Variants in FILIP1 observed in about 807,000 individuals in gnomAD.
FILIP1 encodes the protein filamin-A-interacting protein 1.
Under a neutral mutation model 102.1 loss-of-function variants are expected in FILIP1, and 61 were observed. The ratio of observed to expected loss-of-function variants is 0.60; its 90% CI spans 0.49 to 0.74. The LOEUF is 0.74. FILIP1 is among the 30% of genes least tolerant of loss of function. The pLI is 0.00. For synonymous variants in FILIP1, 491 were observed against 526.9 expected (o/e 0.93, Z 0.93); for missense variants, 1,314 against 1,441.2 (o/e 0.91, Z 1.43).
chr6:75,397,961 C>T (rs1776523564), intron 2 of FILIP1: 3 of 152,152 alleles, frequency 2.0e-5, no homozygotes, highest in Non-Finnish European at 4.4e-5. Context: ...AAATATTTAA[C>T]ATCAGAGTAA....
At chr6:75,357,494 C>T (rs1180726630) in intron 3 of FILIP1, 1 of 152,184 alleles carries the variant, frequency 6.6e-6, no homozygotes, top group African/African-American at 2.4e-5. Flanking sequence ...GGGTAATGTT[C>T]ACCTCACCAA....
chr6:75,440,780 T>A (rs1279454878), intron 1 of FILIP1, among the ~76,000 whole-genome samples: 1 of 151,926 alleles, frequency 6.6e-6, no homozygotes, highest in Non-Finnish European at 1.5e-5. Flanking sequence ...AGAAACACCA[T>A]CTCTACTAAA....
chr6:75,318,004 T>C (rs1773500628), intron 4 of FILIP1, among the ~76,000 whole-genome samples: 1 of 152,200 alleles, frequency 6.6e-6, no homozygotes, highest in Non-Finnish European at 1.5e-5. Flanking sequence ...GATAAGTTCA[T>C]GTCCAGTCAG....
chr6:75,372,687 G>T (rs56970731), intron 2 of FILIP1, among the ~76,000 whole-genome samples: 1 of 27,742 alleles, frequency 3.6e-5, no homozygotes, highest in Non-Finnish European at 6.6e-5. Flanking sequence ...GAAAGAAAGA[G>T]AAAGAAAGAG....
intron 2 of FILIP1, among the ~76,000 whole-genome samples, chr6:75,401,533 C>A (rs779816167): frequency 6.6e-6 from 1 of 152,088 alleles, no homozygotes; most frequent in South Asian, 2.1e-4. Context: ...CCACAAGTGG[C>A]GACTTAAATT....
rs972069557 is a variant in FILIP1, at chr6:75,444,570, A to C, written c.-6-29592T>G. 3.9e-5 allele frequency among the ~76,000 whole-genome samples: 6 copies of C among 152,116 alleles called. 1 individual carries two copies. The South Asian group carries it at 1.2e-3, about 32-fold the overall frequency. On this transcript the variant is annotated intron_variant, in intron 1 of 5. Coordinates refer to ENST00000237172, the MANE Select transcript of FILIP1 (RefSeq NM_015687.5). The stretch of plus-strand genomic sequence containing the variant: ...TTACAACATCAAAAAAGGACCCCAC[A>C]GGAGTTTTTAGGTGTCCCCTACCAT...
chr6:75,372,778 GA>G (rs1284806934), intron 2 of FILIP1, among the ~76,000 whole-genome samples: 1 of 75,622 alleles, frequency 1.3e-5, no homozygotes, highest in Admixed American at 1.2e-4. Context: ...AAGAAAGAAA[GA>G]AAGAAAGAAA....
chr6:75,401,452 T>A (rs951410360), intron 2 of FILIP1, among the ~76,000 whole-genome samples: 1 of 152,192 alleles, frequency 6.6e-6, no homozygotes, highest in African/African-American at 2.4e-5. Context: ...CTTTGCTTCA[T>A]CCATGGTCTC....
intron 1 of FILIP1, among the ~76,000 whole-genome samples, chr6:75,423,794 G>A (rs1366407619): frequency 1.3e-5 from 2 of 152,084 alleles, no homozygotes; most frequent in Non-Finnish European, 2.9e-5. Flanking sequence ...ACTTTTTGCT[G>A]GGAAAACACT....
chr6:75,369,379 C>A (rs1775443892), intron 2 of FILIP1, among the ~76,000 whole-genome samples: 1 of 152,162 alleles, frequency 6.6e-6, no homozygotes, highest in East Asian at 1.9e-4. Flanking sequence ...ATGACAAACA[C>A]CGGTCAGAAA....
chr6:75,413,919 T>C (rs1045866373), intron 2 of FILIP1, among the ~76,000 whole-genome samples: 2 of 150,044 alleles, frequency 1.3e-5, no homozygotes, highest in African/African-American at 2.5e-5. Flanking sequence ...GGGAGGGACA[T>C]GGCTCATGGC....
intron 1 of FILIP1, among the ~76,000 whole-genome samples, chr6:75,423,235 A>G (rs1777525429): frequency 6.6e-6 from 1 of 152,206 alleles, no homozygotes; most frequent in Non-Finnish European, 1.5e-5. Context: ...AAGCTTGATA[A>G]GTGGGTGCCT....
intron 1 of FILIP1, among the ~76,000 whole-genome samples, chr6:75,461,430 T>C (rs1779019700): frequency 6.6e-6 from 1 of 152,190 alleles, no homozygotes; most frequent in Non-Finnish European, 1.5e-5. Flanking sequence ...TAAACTTATG[T>C]TCACGTATAT....
At chr6:75,433,131 T>C (rs1403158332) in intron 1 of FILIP1, among the ~76,000 whole-genome samples, 3 of 152,246 alleles carry the variant, frequency 2.0e-5, no homozygotes, top group Non-Finnish European at 4.4e-5. Context: ...AGTGCTACAA[T>C]AAACATACAT....
At chr6:75,397,598 A>G (rs1011683095) in intron 2 of FILIP1, among the ~76,000 whole-genome samples, 1 of 151,110 alleles carries the variant, frequency 6.6e-6, no homozygotes, top group African/African-American at 2.4e-5. Context: ...ATATATATAT[A>G]TATATAATTC....
rs1374824080 is a variant in FILIP1 at position 75,442,172 on chromosome 6, C to G, written c.-6-27194G>C. Among the ~76,000 whole-genome samples the G allele has an allele frequency of 3.3e-5, 5 of 151,878 alleles. No individual in the cohort carries two copies. The East Asian group carries it at 5.9e-4, about 18-fold the overall frequency. ...CAGACAATGGGTGGCCGGGCAGAGA[C>G]GCTCCTCACTTCCTAGATGGGATGG... On this transcript the variant is annotated intron_variant, in intron 1 of 5. Coordinates refer to ENST00000237172, the MANE Select transcript of FILIP1 (RefSeq NM_015687.5).
intron 1 of FILIP1, among the ~76,000 whole-genome samples, chr6:75,418,995 C>A (rs561338206): frequency 5.9e-5 from 9 of 152,058 alleles, no homozygotes; most frequent in Non-Finnish European, 8.8e-5. Context: ...GCGTCCCCCC[C>A]ACCCCCTGCA....
chr6:75,438,040 T>C (rs1582505732), intron 1 of FILIP1, among the ~76,000 whole-genome samples: 1 of 152,244 alleles, frequency 6.6e-6, no homozygotes, highest in East Asian at 1.9e-4. Context: ...AACTCCTGCA[T>C]TATCTCTGTT....
chr6:75,487,646 A>C (rs1779831287), intron 1 of FILIP1, among the ~76,000 whole-genome samples: 1 of 152,002 alleles, frequency 6.6e-6, no homozygotes, highest in Admixed American at 6.6e-5. Context: ...TGGTGGTGCC[A>C]GCAGTCTATT....
Sources: gnomAD v4.1 joint callset for allele counts (sites outside exome capture counted in the v4.1 genomes callset) on GRCh38, gnomAD v4.1.1 for gene constraint, MANE v1.5 for transcripts, NCBI Gene and HGNC (gene_info 2026-07-23, HGNC 2026-07-21) for gene names.